The following ZDHHC18 variants were observed in gnomAD, a reference collection of about 807,000 sequenced individuals.
ZDHHC18 encodes palmitoyltransferase ZDHHC18.
In ZDHHC18, 23 loss-of-function variants were observed where a neutral mutation model predicts 37.5. The observed-to-expected ratio is 0.61, with a 90% CI of 0.44 to 0.87. The LOEUF is 0.87. Among genes scored for constraint, ZDHHC18 ranks in the 40% least tolerant of loss-of-function variants. ZDHHC18 has a pLI of 0.00. For synonymous variants in ZDHHC18, 185 were observed against 218.7 expected (o/e 0.85, Z 1.36); for missense variants, 406 against 525.6 (o/e 0.77, Z 2.22).
intron 2 of ZDHHC18, among the ~76,000 whole-genome samples, chr1:26,848,182 C>T (rs1055939030): frequency 1.3e-5 from 2 of 152,066 alleles, no homozygotes; most frequent in African/African-American, 2.4e-5. Flanking sequence ...CGTGGTGGCA[C>T]ACTCCTGTAA....
chr1:26,832,145 G>T, intron 1 of ZDHHC18: 1 of 319,656 alleles, frequency 3.1e-6, no homozygotes, highest in Non-Finnish European at 5.9e-6. Context: ...GTGTCTGCCT[G>T]AAGCTCTGTG....
chr1:26,850,419 G>T lies in ZDHHC18; in HGVS notation c.765G>T (p.Val255=). 1 of 1,613,608 alleles carries T rather than the reference G, an allele frequency of 6.2e-7. No homozygotes were observed. Among genetic ancestry groups the T allele is most frequent in the South Asian group, 1.1e-5 (1 of 91,074 alleles). ...TGACGGCCTTCATCTTCGCCTGTGT[G>T]GTCACCCACCTGACGTTGCGTGAGT... is the stretch of plus-strand genomic sequence containing the variant. ...SFLTAFIFAC[V]VTHLTLRAQG... is the part of the protein sequence containing the mutation. The change falls in exon 4 of 8, where the codon GTG becomes GTT. Residue 255 remains valine (V), a synonymous_variant. Transcript: ENST00000374142. This position sits in a 1 kb window ranked among gnomAD's most constrained non-coding sequence, Gnocchi z 6.1.
chr1:26,841,276 G>A (rs1557642800), intron 2 of ZDHHC18, among the ~76,000 whole-genome samples: 1 of 152,146 alleles, frequency 6.6e-6, no homozygotes, highest in Non-Finnish European at 1.5e-5. Context: ...ACCACGCCCA[G>A]CCCACATCCA....
At position 26,827,044 on chromosome 1, in the gene ZDHHC18, C is replaced by T; in HGVS notation, c.240C>T (p.Tyr80=). 3.7e-6 allele frequency: 5 copies of T among 1,352,788 alleles called. No individual in the cohort carries two copies. The highest frequency in any genetic ancestry group is 4.7e-6 in the Non-Finnish European group (5 of 1,054,742). The allele number at this position is 1,352,788 out of a possible 1,614,324, so 83.8% of individuals were successfully genotyped here. The part of the protein sequence containing the change: ...WEVFPGRNRF[Y]CGGRLMLAGH... ...TGTTCCCGGGTCGCAATCGCTTCTACTGCGGCGGCCGCCTCATGCTGGCCG... is the reference window on the plus strand; with the variant it reads ...TGTTCCCGGGTCGCAATCGCTTCTATTGCGGCGGCCGCCTCATGCTGGCCG... The change falls in exon 1 of 8, where the codon TAC becomes TAT. Residue 80 remains tyrosine (Y), a synonymous_variant. Transcript: ENST00000374142.
chr1:26,853,681 C>T, intron 7 of ZDHHC18, 45 bp from the exon 8 acceptor site: 1 of 1,570,676 alleles, frequency 6.4e-7, no homozygotes, highest in African/African-American at 1.3e-5. Context: ...CCTAGAGCCT[C>T]AGTGTTGGGC....
intron 2 of ZDHHC18, among the ~76,000 whole-genome samples, chr1:26,847,033 C>T (rs903493643): frequency 1.1e-4 from 17 of 151,860 alleles, no homozygotes; most frequent in African/African-American, 2.9e-4. Flanking sequence ...GTAGCTGGGA[C>T]TACAGGCACA....
intron 2 of ZDHHC18, among the ~76,000 whole-genome samples, chr1:26,838,185 G>A (rs1305034081): frequency 6.6e-6 from 1 of 151,780 alleles, no homozygotes; most frequent in Non-Finnish European, 1.5e-5. Context: ...AGTAGAGATG[G>A]AGTTTCTCCA....
intron 2 of ZDHHC18, among the ~76,000 whole-genome samples, chr1:26,838,217 A>G (rs1415603557): frequency 2.0e-5 from 3 of 147,918 alleles, no homozygotes; most frequent in Non-Finnish European, 4.5e-5. Flanking sequence ...CTGATCTCAA[A>G]CTCCCGACCT....
At chr1:26,846,040 A>G (rs1284984743) in intron 2 of ZDHHC18, among the ~76,000 whole-genome samples, 2 of 151,754 alleles carry the variant, frequency 1.3e-5, no homozygotes, top group Non-Finnish European at 2.9e-5. Flanking sequence ...TCCTTTCATA[A>G]TATTCAGTCT....
intron 2 of ZDHHC18, among the ~76,000 whole-genome samples, chr1:26,837,501 A>G (rs1448215515): frequency 6.9e-6 from 1 of 144,132 alleles, no homozygotes; most frequent in Non-Finnish European, 1.5e-5. Context: ...ATTTTTTGAG[A>G]CAGAGTCTCG....
intron 2 of ZDHHC18, among the ~76,000 whole-genome samples, chr1:26,837,721 C>G (rs2081619950): frequency 6.6e-6 from 1 of 152,016 alleles, no homozygotes; most frequent in Admixed American, 6.6e-5. Flanking sequence ...CTCAGGTGAT[C>G]CACCTGCCTC....
intron 2 of ZDHHC18, among the ~76,000 whole-genome samples, chr1:26,845,829 A>G (rs976011437): frequency 1.3e-4 from 19 of 151,766 alleles, no homozygotes; most frequent in African/African-American, 4.6e-4. Context: ...TGGCACAATC[A>G]TGGCTCACTG....
intron 2 of ZDHHC18, among the ~76,000 whole-genome samples, chr1:26,841,862 G>A (rs1349262797): frequency 6.6e-6 from 1 of 152,058 alleles, no homozygotes; most frequent in Admixed American, 6.6e-5. Context: ...GTGGCCAGGC[G>A]CGGTGGCTCA....
At chr1:26,843,267 C>G (rs541458336) in intron 2 of ZDHHC18, among the ~76,000 whole-genome samples, 1 of 151,100 alleles carries the variant, frequency 6.6e-6, no homozygotes. Context: ...CTCAGCCTCC[C>G]GAGTAGCTGG....
chr1:26,832,620 C>T lies in ZDHHC18; in HGVS notation c.496+13C>T. 2 of 1,612,534 alleles carry T rather than the reference C, an allele frequency of 1.2e-6. No homozygotes were observed. The highest frequency in any genetic ancestry group is 2.2e-5 in the South Asian group (2 of 91,066). The stretch of plus-strand genomic sequence containing the variant: ...GAGAAACAGATCGGTGAGGTTTCTA[C>T]TCCCAGCTGAAGCTGGGTCTCCATA... On this transcript the variant is annotated intron_variant, in intron 2 of 7. Transcript: ENST00000374142.
rs1053706907 is a variant in ZDHHC18 at position 26,857,065 on chromosome 1, T to C, written c.*3222T>C. The C allele has an allele frequency of 6.6e-6, 1 of 152,468 alleles. No homozygotes were observed. The highest frequency in any genetic ancestry group is 2.4e-5 in the African/African-American group (1 of 41,440). 9.4% of individuals were successfully genotyped at this position (152,468 alleles called of 1,614,324 possible). On this transcript the variant is annotated 3_prime_UTR_variant, in exon 8 of 8. Transcript: ENST00000374142. ...GCTGGCCTCTTTGCCCCATTCCCGC[T>C]CCATGCCGGCCAGAGTGTAGAAAGC... is the stretch of plus-strand genomic sequence containing the variant.
Position 26,856,115 on chromosome 1 carries a change from T to A in ZDHHC18, c.*2272T>A, listed in dbSNP as rs1481046123. 2.4e-6 allele frequency: 1 copy of A among 423,296 alleles called. No homozygotes were observed. Among genetic ancestry groups the A allele is most frequent in the Non-Finnish European group, 5.0e-6 (1 of 200,176 alleles). 26.2% of individuals were successfully genotyped at this position (423,296 alleles called of 1,614,324 possible). On this transcript the variant is annotated 3_prime_UTR_variant, in exon 8 of 8. Transcript: ENST00000374142. The surrounding 1 kb of genome is among the most constrained non-coding windows in gnomAD (Gnocchi z 5.2). ...AGCCGGAGCTTCCCTGGCTACCACC[T>A]CCAACCTGGGCACCAGGGCCCAGCC...
At chr1:26,849,957 A>G (rs931475079) in intron 3 of ZDHHC18, among the ~76,000 whole-genome samples, 12 of 152,234 alleles carry the variant, frequency 7.9e-5, no homozygotes, top group African/African-American at 2.4e-4. Flanking sequence ...AATAAGCATA[A>G]AAACACACAT....
Position 26,856,132 on chromosome 1 carries a change from G to A in ZDHHC18, c.*2289G>A, listed in dbSNP as rs1159333749. On this transcript the variant is annotated 3_prime_UTR_variant, in exon 8 of 8. Coordinates refer to ENST00000374142, the MANE Select transcript of ZDHHC18 (RefSeq NM_032283.3). This position sits in a 1 kb window ranked among gnomAD's most constrained non-coding sequence, Gnocchi z 5.2. Reference sequence around the variant, plus strand: ...CTACCACCTCCAACCTGGGCACCAGGGCCCAGCCAGACAACTCATAACACT... The same window carrying A: ...CTACCACCTCCAACCTGGGCACCAGAGCCCAGCCAGACAACTCATAACACT... The A allele has an allele frequency of 2.3e-6, 1 of 435,184 alleles. No homozygotes were observed. Among genetic ancestry groups the A allele is most frequent in the Non-Finnish European group, 4.8e-6 (1 of 209,746 alleles). The allele number at this position is 435,184 out of a possible 1,614,324, so 27.0% of individuals were successfully genotyped here. A position where few individuals can be genotyped will look rare whatever the true frequency, so the allele number is the denominator to read the frequency against.
Sources: gnomAD v4.1 joint callset for allele counts (sites outside exome capture counted in the v4.1 genomes callset) on GRCh38, gnomAD v4.1.1 for gene constraint, Gnocchi (gnomAD v3.1) non-coding constraint, MANE v1.5 for transcripts, NCBI Gene and HGNC (gene_info 2026-07-23, HGNC 2026-07-21) for gene names.